Variants in DPP10 observed in about 807,000 individuals in gnomAD.
DPP10 encodes inactive dipeptidyl peptidase 10.
Under a neutral mutation model 120.9 loss-of-function variants are expected in DPP10, and 33 were observed. That is an observed-to-expected ratio of 0.27 (90% CI 0.21 to 0.37). The LOEUF is 0.37. Among genes scored for constraint, DPP10 ranks in the 10% least tolerant of loss-of-function variants. The probability of loss-of-function intolerance (pLI) is 1.00; values close to 1 mark genes in which losing one functional copy is unlikely to be tolerated. For synonymous variants in DPP10, 337 were observed against 326.1 expected (o/e 1.03, Z -0.36); for missense variants, 816 against 942.8 (o/e 0.87, Z 1.76).
At chr2:115,450,791 A>G (rs964940186) in intron 3 of DPP10, among the ~76,000 whole-genome samples, 3 of 151,930 alleles carry the variant, frequency 2.0e-5, no homozygotes, top group African/African-American at 7.2e-5. Flanking sequence ...TGAAGATGCA[A>G]TAATTTTTAA....
chr2:115,689,816 T>G (rs751951553), intron 6 of DPP10, 24 bp from the exon 7 acceptor site: 40 of 1,611,188 alleles, frequency 2.5e-5, no homozygotes, highest in Non-Finnish European at 3.1e-5. Context: ...TTTGTTCATG[T>G]AAAAATATTC....
At chr2:114,713,751 G>C (rs911163806) in intron 1 of DPP10, among the ~76,000 whole-genome samples, 1 of 152,094 alleles carries the variant, frequency 6.6e-6, no homozygotes, top group Non-Finnish European at 1.5e-5. Context: ...AACCCTTAGG[G>C]AGGCAGAGGT....
intron 1 of DPP10, among the ~76,000 whole-genome samples, chr2:115,149,404 A>G (rs2051408678): frequency 1.3e-5 from 2 of 152,254 alleles, no homozygotes; most frequent in Admixed American, 1.3e-4. Context: ...TGAAGTTTTT[A>G]TGATAGGTTT....
At chr2:114,453,922 T>C (rs983987440) in intron 1 of DPP10, among the ~76,000 whole-genome samples, 1 of 152,196 alleles carries the variant, frequency 6.6e-6, no homozygotes, top group African/African-American at 2.4e-5. Flanking sequence ...CCAAATGGGA[T>C]AGCACACAGA....
chr2:115,394,356 C>A (rs2067518650), intron 3 of DPP10, among the ~76,000 whole-genome samples: 1 of 151,292 alleles, frequency 6.6e-6, no homozygotes, highest in South Asian at 2.1e-4. Context: ...TTGATAAAGC[C>A]CAGGTTTCTG....
chr2:115,377,580 T>G (rs1330135341), intron 3 of DPP10, among the ~76,000 whole-genome samples: 5 of 152,130 alleles, frequency 3.3e-5, no homozygotes, highest in South Asian at 2.1e-4. Flanking sequence ...GTCAATTTTG[T>G]CTTTTGTTGC....
At chr2:115,343,018 T>A (rs2063525875) in intron 2 of DPP10, among the ~76,000 whole-genome samples, 2 of 152,196 alleles carry the variant, frequency 1.3e-5, no homozygotes, top group African/African-American at 4.8e-5. Context: ...AGGTCATAGC[T>A]GAAAGGTCAC....
chr2:114,576,644 C>T (rs1314221020), intron 1 of DPP10, among the ~76,000 whole-genome samples: 1 of 152,088 alleles, frequency 6.6e-6, no homozygotes, highest in African/African-American at 2.4e-5. Context: ...TCTGGAGTGG[C>T]AAGCAAACAA....
intron 1 of DPP10, among the ~76,000 whole-genome samples, chr2:115,164,983 G>A (rs2052722784): frequency 6.6e-6 from 1 of 152,038 alleles, no homozygotes; most frequent in Non-Finnish European, 1.5e-5. Context: ...AGTTATTTTT[G>A]TTGCTTTCAC....
chr2:115,095,751 CT>C (rs1311326157), intron 1 of DPP10, among the ~76,000 whole-genome samples: 3 of 151,942 alleles, frequency 2.0e-5, no homozygotes, highest in Non-Finnish European at 4.4e-5. Flanking sequence ...AATAAATTAA[CT>C]TTAGTCAATT....
At chr2:114,522,308 A>G (rs117736654) in intron 1 of DPP10, among the ~76,000 whole-genome samples, 1 of 152,132 alleles carries the variant, frequency 6.6e-6, no homozygotes, top group Non-Finnish European at 1.5e-5. Flanking sequence ...ATACCCAGTC[A>G]AGCTGTTCTT....
At position 114,633,402 on chromosome 2, in the gene DPP10, C is replaced by T. The variant is rs569606584; in HGVS notation, c.60+190564C>T. ...AAGTAGCTGGGATTATAGGCATGCACCATCACATCCAGCAAATTTTTTGTA... is the reference window on the plus strand; with the variant it reads ...AAGTAGCTGGGATTATAGGCATGCATCATCACATCCAGCAAATTTTTTGTA... On this transcript the variant is annotated intron_variant, in intron 1 of 25. Transcript: ENST00000410059. 7.3e-5 allele frequency among the ~76,000 whole-genome samples: 11 copies of T among 150,516 alleles called. 1 individual carries two copies. The highest frequency in any genetic ancestry group is 2.7e-4 in the African/African-American group (11 of 40,566).
chr2:114,918,063 G>T (rs1558878014), intron 1 of DPP10, among the ~76,000 whole-genome samples: 1 of 151,974 alleles, frequency 6.6e-6, no homozygotes, highest in Non-Finnish European at 1.5e-5. Flanking sequence ...ATCCAAAAAG[G>T]TCTAATATCA....
At position 114,776,525 on chromosome 2, in the gene DPP10, A is replaced by T. The variant is rs535379087; in HGVS notation, c.60+333687A>T. On this transcript the variant is annotated intron_variant, in intron 1 of 25. Coordinates refer to ENST00000410059, the MANE Select transcript of DPP10 (RefSeq NM_020868.6). ...TAAGCTCCTTAGGAGCTAGCGCTAG[A>T]TCTGAGTGAACACTGCCAGTAGTGT... 1.2e-4 allele frequency among the ~76,000 whole-genome samples: 18 copies of T among 152,300 alleles called. No homozygotes were observed. In the South Asian group the frequency reaches 3.5e-3, roughly 30 times the overall value.
chr2:115,729,603 C>A (rs1045385095), intron 8 of DPP10, among the ~76,000 whole-genome samples: 3 of 152,106 alleles, frequency 2.0e-5, no homozygotes, highest in Non-Finnish European at 4.4e-5. Flanking sequence ...TTCATTTCTA[C>A]TAAAAAATTT....
chr2:115,402,854 A>T (rs1607191), intron 3 of DPP10, among the ~76,000 whole-genome samples: 12,304 of 97,452 alleles, frequency 0.13, 953 homozygotes, highest in African/African-American at 0.2. Context: ...AAAAAAAAAA[A>T]ATATATATAT....
At chr2:115,536,656 A>G (rs191009310) in intron 5 of DPP10, among the ~76,000 whole-genome samples, 1 of 152,106 alleles carries the variant, frequency 6.6e-6, no homozygotes, top group East Asian at 1.9e-4. Flanking sequence ...TTATGATGCT[A>G]TTTTATAGGA....
intron 1 of DPP10, among the ~76,000 whole-genome samples, chr2:114,691,833 T>C (rs1473221705): frequency 6.6e-6 from 1 of 152,016 alleles, no homozygotes; most frequent in African/African-American, 2.4e-5. Context: ...GTCCAGGAAT[T>C]TGTCTACCTA....
intron 1 of DPP10, among the ~76,000 whole-genome samples, chr2:114,927,676 C>T (rs1695737909): frequency 6.6e-6 from 1 of 152,192 alleles, no homozygotes; most frequent in Non-Finnish European, 1.5e-5. Flanking sequence ...GGGCCCAAGA[C>T]ATTTTCCTTT....
Sources: gnomAD v4.1 joint callset for allele counts (sites outside exome capture counted in the v4.1 genomes callset) on GRCh38, gnomAD v4.1.1 for gene constraint, MANE v1.5 for transcripts, NCBI Gene and HGNC (gene_info 2026-07-23, HGNC 2026-07-21) for gene names.